Variants in SEMA6A observed in about 807,000 individuals in gnomAD.
SEMA6A encodes semaphorin 6A.
In SEMA6A, 25 loss-of-function variants were observed where a neutral mutation model predicts 96.8. The ratio of observed to expected loss-of-function variants is 0.26; its 90% CI spans 0.19 to 0.36. SEMA6A has a LOEUF of 0.36. Among genes scored for constraint, SEMA6A ranks in the 10% least tolerant of loss-of-function variants. SEMA6A has a pLI of 1.00. For missense variants in SEMA6A, 1,363 were observed against 1,323.1 expected, an observed-to-expected ratio of 1.03 and a Z score of -0.47; for synonymous variants, 612 against 518.0, an observed-to-expected ratio of 1.18 and a Z score of -2.46.
At chr5:116,518,098 A>T (rs995152554) in intron 1 of SEMA6A, among the ~76,000 whole-genome samples, 8 of 152,262 alleles carry the variant, frequency 5.3e-5, no homozygotes, top group African/African-American at 1.7e-4. Flanking sequence ...GAAGTTTAGG[A>T]ACTAGTTACT....
chr5:116,477,107 A>C (rs933280616), intron 15 of SEMA6A, among the ~76,000 whole-genome samples: 2 of 152,226 alleles, frequency 1.3e-5, no homozygotes, highest in African/African-American at 2.4e-5. Context: ...CTAACCTCCT[A>C]AACTGCCTGC....
chr5:116,539,698 A>G (rs1295530056), intron 1 of SEMA6A, among the ~76,000 whole-genome samples: 1 of 151,988 alleles, frequency 6.6e-6, no homozygotes, highest in African/African-American at 2.4e-5. Flanking sequence ...TCCTTCAACA[A>G]CTTGATCTTC....
chr5:116,469,870 G>GT (rs1421754738), intron 17 of SEMA6A, among the ~76,000 whole-genome samples: 3 of 152,162 alleles, frequency 2.0e-5, no homozygotes, highest in African/African-American at 4.8e-5. Context: ...TGGTAGTTAG[G>GT]TAAGAGAATG....
rs3984966 is a variant in SEMA6A, at chr5:116,448,755, C to CAAAAAAAAA, written c.1895-953_1895-945dup. On this transcript the variant is annotated intron_variant, in intron 18 of 18. Coordinates refer to ENST00000343348, the MANE Select transcript of SEMA6A (RefSeq NM_020796.5). ...TTTGTGCTGATTTTGCATCACCTCT[C>CAAAAAAAAA]AAAAAAAAAAAAAAAAAAAAACAGT... 1.8e-3 allele frequency among the ~76,000 whole-genome samples: 194 copies of CAAAAAAAAA among 106,498 alleles called. 5 individuals are homozygous for CAAAAAAAAA. The highest frequency in any genetic ancestry group is 6.7e-3 in the African/African-American group (185 of 27,794). The allele number at this position is 106,498 out of a possible 152,430, so 69.9% of individuals were successfully genotyped here.
chr5:116,497,270 G>C, intron 4 of SEMA6A, 57 bp downstream of exon 4: 1 of 1,058,990 alleles, frequency 9.4e-7, no homozygotes. Flanking sequence ...TACATATTCT[G>C]TTCAAGAACT....
At position 116,561,147 on chromosome 5, in the gene SEMA6A, G is replaced by C. The variant is rs1232170102; in HGVS notation, c.-39+13038C>G. On this transcript the variant is annotated intron_variant, in intron 1 of 18. Coordinates refer to ENST00000343348, the MANE Select transcript of SEMA6A (RefSeq NM_020796.5). ...GAACCTGTTATCTCATCTTTAAATT[G>C]GGCATAATAATACCTATCCTGCCTA... Among the ~76,000 whole-genome samples the C allele has an allele frequency of 2.0e-5, 3 of 152,026 alleles. No homozygotes were observed. In the East Asian group the frequency reaches 5.8e-4, roughly 29 times the overall value.
chr5:116,449,505 C>T (rs983066422), intron 18 of SEMA6A: 41 of 574,816 alleles, frequency 7.1e-5, no homozygotes, highest in Non-Finnish European at 1.0e-4. Context: ...TTGTCACAGC[C>T]GAGACCTTGA....
rs1754224505 is a variant in SEMA6A, at chr5:116,446,596, AC to A, written c.*16del. ...GCCTTGCCTGCTGGTTCGACACCTG[AC>A]CCCCTCCCCCTGGGATTATGTACAC... is the stretch of plus-strand genomic sequence containing the variant. On this transcript the variant is annotated 3_prime_UTR_variant, in exon 19 of 19. Coordinates refer to ENST00000343348, the MANE Select transcript of SEMA6A (RefSeq NM_020796.5). 6.8e-7 allele frequency: 1 copy of A among 1,462,484 alleles called. No homozygotes were observed. Among genetic ancestry groups the A allele is most frequent in the African/African-American group, 1.4e-5 (1 of 70,268 alleles). 90.6% of individuals were successfully genotyped at this position (1,462,484 alleles called of 1,614,324 possible).
chr5:116,570,351 G>A (rs1761163033), intron 1 of SEMA6A, among the ~76,000 whole-genome samples: 1 of 152,006 alleles, frequency 6.6e-6, no homozygotes, highest in Non-Finnish European at 1.5e-5. Context: ...GAGTGGGGGG[G>A]GTTCCTGATA....
At position 116,474,438 on chromosome 5, in the gene SEMA6A, G is replaced by T. The variant is rs539601051; in HGVS notation, c.1708+1107C>A. 3.3e-5 allele frequency among the ~76,000 whole-genome samples: 5 copies of T among 152,226 alleles called. No homozygotes were observed. In the South Asian group the frequency reaches 6.2e-4, roughly 19 times the overall value. ...CACGTAACATACATCTTTTAGTGAT[G>T]ACACTTCTCCTATGCTTATTTATTA... On this transcript the variant is annotated intron_variant, in intron 16 of 18. Transcript: ENST00000343348.
At position 116,446,276 on chromosome 5, in the gene SEMA6A, GTGTGTGT is replaced by G. The variant is rs1754196222; in HGVS notation, c.*330_*336del. ...ATGTGTTGTGTGCATGTGTGTGTGT[GTGTGTGT>G]GTGGGGGTGGGGGATGGGGTAGGTA... On this transcript the variant is annotated 3_prime_UTR_variant, in exon 19 of 19. Coordinates refer to ENST00000343348, the MANE Select transcript of SEMA6A (RefSeq NM_020796.5). 9 of 228,660 alleles carry G rather than the reference GTGTGTGT, an allele frequency of 3.9e-5. No individual in the cohort carries two copies. The highest frequency in any genetic ancestry group is 2.7e-4 in the East Asian group (3 of 11,316). The allele number at this position is 228,660 out of a possible 1,614,324, so 14.2% of individuals were successfully genotyped here. A position where few individuals can be genotyped will look rare whatever the true frequency, so the allele number is the denominator to read the frequency against.
intron 1 of SEMA6A, among the ~76,000 whole-genome samples, chr5:116,522,153 CTGAG>C (rs1423894722): frequency 6.6e-6 from 1 of 152,116 alleles, no homozygotes; most frequent in Non-Finnish European, 1.5e-5. Flanking sequence ...AACAGTGTCT[CTGAG>C]GGAGGAGGTG....
Position 116,504,927 on chromosome 5 carries a change from C to G in SEMA6A, c.18G>C (p.Leu6Phe), listed in dbSNP as rs1363972857. 6.3e-7 allele frequency: 1 copy of G among 1,598,112 alleles called. No individual in the cohort carries two copies. The highest frequency in any genetic ancestry group is 2.3e-5 in the East Asian group (1 of 44,262). Reference protein sequence around the residue: MRSEALLLYFTLLHFA... With the variant: MRSEAFLLYFTLLHFA... ...AGTGTAGCAGTGTGAAATATAGCAG[C>G]AAGGCTTCTGACCTCATAGTAGTTC... Residue 6 changes from leucine to phenylalanine, a missense_variant, in exon 2 of 19, where the codon TTG becomes TTC. Around this residue, in one of 2 missense-constraint regions of SEMA6A, gnomAD observed 480 missense variants for 559.5 expected, o/e 0.86. Coordinates refer to ENST00000343348, the MANE Select transcript of SEMA6A (RefSeq NM_020796.5).
chr5:116,473,137 T>C (rs1176021265), intron 16 of SEMA6A, 44 bp from the exon 17 acceptor site: 14 of 1,571,488 alleles, frequency 8.9e-6, no homozygotes, highest in Non-Finnish European at 1.2e-5. Context: ...TGTTTTACGC[T>C]CTGCTTGGGG....
At position 116,489,000 on chromosome 5, in the gene SEMA6A, T is replaced by C. The variant is rs1222657982; in HGVS notation, c.543A>G (p.Lys181=). 1 of 1,565,430 alleles carries C rather than the reference T, an allele frequency of 6.4e-7. No homozygotes were observed. Among genetic ancestry groups the C allele is most frequent in the East Asian group, 2.3e-5 (1 of 42,568 alleles). ...HANVALFADG[K]LYSATVTDFL... ...AGTCAGTCACTGTGGCTGAGTATAG[T>C]TTTCCATCTTAGAAGAAAAAGAAAA... The change falls in exon 8 of 19, where the codon AAA becomes AAG. Residue 181 remains lysine (K), a synonymous_variant. Coordinates refer to ENST00000343348, the MANE Select transcript of SEMA6A (RefSeq NM_020796.5).
At position 116,447,179 on chromosome 5, in the gene SEMA6A, G is replaced by T. The variant is rs369788386; in HGVS notation, c.2527C>A (p.Leu843Met). Reference sequence around the variant, plus strand: ...TCCAGTGTGGCGGCCTGGTCCTCCAGCGCCATCTGGGCCACCTCGCTCATT... The same window carrying T: ...TCCAGTGTGGCGGCCTGGTCCTCCATCGCCATCTGGGCCACCTCGCTCATT... Reference protein sequence around the residue: ...PKMSEVAQMALEDQAATLEYK... With the variant: ...PKMSEVAQMAMEDQAATLEYK... The change falls in exon 19 of 19, where the codon CTG (leucine) becomes ATG (methionine). Residue 843 changes from leucine (L) to methionine (M), a missense_variant. By Grantham distance (15) the Leu-to-Met change is conservative (BLOSUM62 2). Transcript: ENST00000343348. 1 of 1,614,008 alleles carries T rather than the reference G, an allele frequency of 6.2e-7. No individual in the cohort carries two copies. The highest frequency in any genetic ancestry group is 1.1e-5 in the South Asian group (1 of 91,084).
intron 1 of SEMA6A, among the ~76,000 whole-genome samples, chr5:116,530,329 C>A (rs1220452303): frequency 6.6e-6 from 1 of 152,090 alleles, no homozygotes; most frequent in East Asian, 1.9e-4. Flanking sequence ...TGTAGGCACT[C>A]CCTGTTATGC....
rs114276862 is a variant in SEMA6A at position 116,500,660 on chromosome 5, G to A, written c.218+1550C>T. Reference sequence around the variant, plus strand: ...CTCAGAACATCTAAGTGCTTTAGAAGAATCAACCACTGTTATTTACTTGTT... The same window carrying A: ...CTCAGAACATCTAAGTGCTTTAGAAAAATCAACCACTGTTATTTACTTGTT... On this transcript the variant is annotated intron_variant, in intron 3 of 18. Transcript: ENST00000343348. Among the ~76,000 whole-genome samples the A allele has an allele frequency of 5.2e-3, 790 of 152,050 alleles. 6 individuals carry two copies. The highest frequency in any genetic ancestry group is 0.018 in the African/African-American group (765 of 41,452).
intron 1 of SEMA6A, among the ~76,000 whole-genome samples, chr5:116,560,690 T>G (rs1288480532): frequency 6.6e-6 from 1 of 152,100 alleles, no homozygotes; most frequent in Admixed American, 6.6e-5. Flanking sequence ...CTTATGTAAC[T>G]ATTTATTTTT....
Sources: gnomAD v4.1 joint callset for allele counts (sites outside exome capture counted in the v4.1 genomes callset) on GRCh38, gnomAD v4.1.1 for gene constraint, gnomAD v4.1.1 regional missense constraint, MANE v1.5 for transcripts, NCBI Gene and HGNC (gene_info 2026-07-23, HGNC 2026-07-21) for gene names.